ADAMTSL1: variants seen among roughly 807,000 people sequenced by gnomAD.
The protein encoded by ADAMTSL1 is ADAMTS like 1, also known as ADAMTS-like protein 1.
Under a neutral mutation model 201.8 loss-of-function variants are expected in ADAMTSL1, and 126 were observed. The ratio of observed to expected loss-of-function variants is 0.62; its 90% confidence interval spans 0.54 to 0.72. The LOEUF is 0.72. ADAMTSL1 is among the 30% of genes least tolerant of loss of function. The pLI, the probability that ADAMTSL1 is intolerant of heterozygous loss-of-function variation, is 0.00. For synonymous variants in ADAMTSL1, 1,121 were observed against 903.4 expected, an observed-to-expected ratio of 1.24 and a Z score of -4.32; for missense variants, 2,679 against 2,277.8, an observed-to-expected ratio of 1.18 and a Z score of -3.59.
chr9:18,302,068 T>G (rs1247716701), intron 2 of ADAMTSL1, among the ~76,000 whole-genome samples: 1 of 152,188 alleles, frequency 6.6e-6, no homozygotes, highest in Non-Finnish European at 1.5e-5. Flanking sequence ...TAAGGTGTAG[T>G]TGAAGTCCCA....
chr9:18,128,873 G>A (rs1825841975), intron 1 of ADAMTSL1, among the ~76,000 whole-genome samples: 1 of 151,980 alleles, frequency 6.6e-6, no homozygotes, highest in African/African-American at 2.4e-5. Flanking sequence ...GAAGGCTTTT[G>A]TATATCTTTT....
intron 2 of ADAMTSL1, among the ~76,000 whole-genome samples, chr9:18,219,828 A>T (rs1587338819): frequency 6.6e-6 from 1 of 152,118 alleles, no homozygotes; most frequent in Non-Finnish European, 1.5e-5. Flanking sequence ...GATGATAGGG[A>T]TACAACTGAT....
At chr9:18,887,487 G>GA (rs1447475997) in intron 23 of ADAMTSL1, among the ~76,000 whole-genome samples, 2 of 151,886 alleles carry the variant, frequency 1.3e-5, no homozygotes, top group African/African-American at 2.4e-5. Flanking sequence ...ATTTCTGTCA[G>GA]AAAAAAATCA....
intron 16 of ADAMTSL1, among the ~76,000 whole-genome samples, chr9:18,759,824 A>C (rs10429480): frequency 0.52 from 79,638 of 151,992 alleles, 21,764 homozygotes; most frequent in Non-Finnish European, 0.59. Context: ...AGAAAGCTTG[A>C]GACTAGATGA....
chr9:18,804,783 C>A (rs939244541), intron 20 of ADAMTSL1, among the ~76,000 whole-genome samples: 2 of 152,074 alleles, frequency 1.3e-5, no homozygotes, highest in Non-Finnish European at 2.9e-5. Flanking sequence ...TCCAGTGATC[C>A]TTGTGAGAAA....
intron 7 of ADAMTSL1, among the ~76,000 whole-genome samples, chr9:18,644,347 T>G (rs552249015): frequency 6.6e-6 from 1 of 151,820 alleles, no homozygotes; most frequent in Non-Finnish European, 1.5e-5. Flanking sequence ...AATGGCCACT[T>G]GTCAGTATCT....
At chr9:18,181,450 A>C (rs1828472822) in intron 2 of ADAMTSL1, among the ~76,000 whole-genome samples, 1 of 152,114 alleles carries the variant, frequency 6.6e-6, no homozygotes, top group African/African-American at 2.4e-5. Context: ...GAAAAAAACA[A>C]ACAACCCGAT....
intron 23 of ADAMTSL1, among the ~76,000 whole-genome samples, chr9:18,833,106 G>A (rs1280823646): frequency 6.6e-6 from 1 of 152,202 alleles, no homozygotes. Context: ...AATGTTGCCT[G>A]AGCAACACAT....
intron 13 of ADAMTSL1, among the ~76,000 whole-genome samples, chr9:18,704,261 G>T (rs1832103132): frequency 2.0e-5 from 3 of 152,086 alleles, no homozygotes; most frequent in Admixed American, 1.3e-4. Context: ...CAGAGTTCAC[G>T]CAGTCCGCAA....
Position 18,887,231 on chromosome 9 carries a change from T to C in ADAMTSL1, c.4250-600T>C, listed in dbSNP as rs115038614. On this transcript the variant is annotated intron_variant, in intron 23 of 28. Transcript: ENST00000380548. ...TTGAGTTTATTATATCAAAATATGT[T>C]TGATGGCTCTGTAGATGTGTATAAT... Among the ~76,000 whole-genome samples the C allele has an allele frequency of 5.0e-3, 766 of 152,352 alleles. 9 individuals carry two copies. Among genetic ancestry groups the C allele is most frequent in the African/African-American group, 0.017 (723 of 41,586 alleles).
chr9:18,406,495 A>T (rs1285719238), intron 2 of ADAMTSL1, among the ~76,000 whole-genome samples: 1 of 151,514 alleles, frequency 6.6e-6, no homozygotes, highest in African/African-American at 2.4e-5. Flanking sequence ...TGCCCGGCTA[A>T]TTTTTTTGTA....
intron 9 of ADAMTSL1, 103 bp downstream of exon 9, chr9:18,662,176 A>G: frequency 1.3e-5 from 19 of 1,412,546 alleles, no homozygotes; most frequent in Non-Finnish European, 1.8e-5. Context: ...AAATGAAATT[A>G]AACATCAATA....
Position 18,020,084 on chromosome 9 carries a change from G to A in ADAMTSL1, c.87+113162G>A, listed in dbSNP as rs965705772. On this transcript the variant is annotated intron_variant, in intron 1 of 29. Transcript: ENST00000680146. ...AAGGGAACTTTTCTGTTTAGTTTCC[G>A]AAGTCTACAGTCTGTTATATTCCAG... 3.3e-5 allele frequency among the ~76,000 whole-genome samples: 5 copies of A among 152,066 alleles called. No homozygotes were observed. The East Asian group carries it at 5.8e-4, about 18-fold the overall frequency.
At chr9:18,526,831 G>A (rs1038476884) in intron 2 of ADAMTSL1, among the ~76,000 whole-genome samples, 2 of 152,136 alleles carry the variant, frequency 1.3e-5, no homozygotes, top group African/African-American at 2.4e-5. Flanking sequence ...ATCCCTTGGT[G>A]GGGTTGCAAA....
At chr9:18,781,084 G>A (rs1438191185) in intron 19 of ADAMTSL1, among the ~76,000 whole-genome samples, 1 of 152,106 alleles carries the variant, frequency 6.6e-6, no homozygotes, top group Non-Finnish European at 1.5e-5. Flanking sequence ...TTACCTTAAT[G>A]GGCATTGAGA....
Position 18,544,585 on chromosome 9 carries a change from A to G in ADAMTSL1, c.237+11293A>G, listed in dbSNP as rs367664437. Reference sequence around the variant, plus strand: ...GGTTTAGCAATAGTTGTAAATGACCATTGAGTGATATGAGCTGGCATTCCT... The same window carrying G: ...GGTTTAGCAATAGTTGTAAATGACCGTTGAGTGATATGAGCTGGCATTCCT... On this transcript the variant is annotated intron_variant, in intron 3 of 28. Transcript: ENST00000380548. 1.8e-3 allele frequency among the ~76,000 whole-genome samples: 276 copies of G among 152,148 alleles called. 1 individual carries two copies. Among genetic ancestry groups the G allele is most frequent in the South Asian group, 5.0e-3 (24 of 4,804 alleles).
At chr9:18,398,161 T>C (rs1018127556) in intron 2 of ADAMTSL1, among the ~76,000 whole-genome samples, 1 of 152,182 alleles carries the variant, frequency 6.6e-6, no homozygotes, top group African/African-American at 2.4e-5. Flanking sequence ...TCAAATTAAA[T>C]AGAATCAGCC....
At chr9:18,829,231 AATG>A (rs1824820174) in intron 22 of ADAMTSL1, among the ~76,000 whole-genome samples, 1 of 152,212 alleles carries the variant, frequency 6.6e-6, no homozygotes, top group Non-Finnish European at 1.5e-5. Context: ...TAAGATTCTG[AATG>A]ATGAAGCATC....
chr9:18,347,043 C>G (rs943892554), intron 2 of ADAMTSL1, among the ~76,000 whole-genome samples: 7 of 152,276 alleles, frequency 4.6e-5, no homozygotes, highest in South Asian at 2.1e-4. Context: ...GCTTTTCAGT[C>G]ACAGTGGTTT....
Sources: gnomAD v4.1 joint callset for allele counts (sites outside exome capture counted in the v4.1 genomes callset) on GRCh38, gnomAD v4.1.1 for gene constraint, MANE v1.5 for transcripts, NCBI Gene and HGNC (gene_info 2026-07-23, HGNC 2026-07-21) for gene names.